P3H4: variants seen among roughly 807,000 people sequenced by gnomAD.
P3H4 encodes the protein prolyl 3-hydroxylase family member 4 (inactive).
In P3H4, 47 loss-of-function variants were observed where a neutral mutation model predicts 52.9. The observed-to-expected ratio is 0.89, with a 90% CI of 0.70 to 1.13. The LOEUF is 1.13. Among genes scored for constraint, P3H4 ranks in the 50% most tolerant of loss-of-function variants. P3H4 has a pLI of 0.00. For synonymous variants in P3H4, 256 were observed against 267.9 expected (o/e 0.96, Z 0.44); for missense variants, 585 against 611.0 (o/e 0.96, Z 0.45).
At position 41,811,577 on chromosome 17, in the gene P3H4, G is replaced by T. The variant is rs1228687073; in HGVS notation, c.339C>A (p.Ala113=). The T allele has an allele frequency of 1.0e-5, 16 of 1,601,184 alleles. No individual in the cohort carries two copies. Among genetic ancestry groups the T allele is most frequent in the African/African-American group, 1.3e-5 (1 of 74,724 alleles). The change falls in exon 1 of 8, where the codon GCC becomes GCA. Residue 113 remains alanine, a synonymous_variant. Coordinates refer to ENST00000393928, the MANE Select transcript of P3H4 (RefSeq NM_006455.3). The surrounding 1 kb of genome is among the most constrained non-coding windows in gnomAD (Gnocchi z 4.8). ...TCCGCTTGCAGCGCCGCAGGCAGGC[G>T]GCTCGCTCCAGGACGCGGCCGAAGA... The part of the protein sequence containing the change: ...LRLFGRVLER[A]ACLRRCKRTL...
At position 41,811,139 on chromosome 17, in the gene P3H4, G is replaced by A. The variant is rs2047728650; in HGVS notation, c.608C>T (p.Pro203Leu). 1 of 1,614,166 alleles carries A rather than the reference G, an allele frequency of 6.2e-7. No individual in the cohort carries two copies. Among genetic ancestry groups the A allele is most frequent in the Non-Finnish European group, 8.5e-7 (1 of 1,180,010 alleles). ...DESLTDLEAQPYEAVFLRAVK... is the reference protein window; with the variant it reads ...DESLTDLEAQLYEAVFLRAVK... ...CCTGACCCTCCACCCCACCTCGTAG[G>A]GCTGGGCCTCTAGGTCCGTGAGGGA... Residue 203 changes from proline (P) to leucine (L), a missense_variant, in exon 2 of 8, where the codon CCC becomes CTC. Coordinates refer to ENST00000393928, the MANE Select transcript of P3H4 (RefSeq NM_006455.3). This position sits in a 1 kb window ranked among gnomAD's most constrained non-coding sequence, Gnocchi z 4.8.
At chr17:41,810,650 C>T in intron 3 of P3H4, 1 of 574,272 alleles carries the variant, frequency 1.7e-6, no homozygotes, top group Non-Finnish European at 3.0e-6. Flanking sequence ...GCTTCCCAAA[C>T]CCTTTAGGGA....
intron 6 of P3H4, among the ~76,000 whole-genome samples, chr17:41,804,897 C>T (rs2047657208): frequency 6.6e-6 from 1 of 151,308 alleles, no homozygotes; most frequent in Non-Finnish European, 1.5e-5. Context: ...CTCTTCAACC[C>T]AAGAGGTGGA....
At chr17:41,804,165 A>C (rs1160967293) in intron 6 of P3H4, among the ~76,000 whole-genome samples, 4 of 151,594 alleles carry the variant, frequency 2.6e-5, no homozygotes, top group Non-Finnish European at 5.9e-5. Flanking sequence ...GTTAGCCAGG[A>C]TGGTCTCAAT....
chr17:41,809,724 G>C lies in P3H4; in HGVS notation c.898C>G (p.Gln300Glu). 1 of 1,613,442 alleles carries C rather than the reference G, an allele frequency of 6.2e-7. No homozygotes were observed. Among genetic ancestry groups the C allele is most frequent in the African/African-American group, 1.3e-5 (1 of 75,022 alleles). ...GGCTCACACTTATAGTAGGCAAACT[G>C]CAGGTAGTGGTACATGGTGGCCACG... The part of the protein sequence containing the change: ...KFVATMYHYL[Q>E]FAYYKLNDVR... The change falls in exon 4 of 8, where the codon CAG becomes GAG. Residue 300 changes from glutamine (Q) to glutamate (E), a missense_variant. By Grantham distance (29) the Gln-to-Glu change is conservative. Coordinates refer to ENST00000393928, the MANE Select transcript of P3H4 (RefSeq NM_006455.3).
Position 41,811,673 on chromosome 17 carries a change from G to T in P3H4, c.243C>A (p.Ser81Arg), listed in dbSNP as rs1555615219. 7.0e-7 allele frequency: 1 copy of T among 1,433,048 alleles called. No individual in the cohort carries two copies. Among genetic ancestry groups the T allele is most frequent in the Non-Finnish European group, 9.0e-7 (1 of 1,104,986 alleles). 88.8% of individuals were successfully genotyped at this position (1,433,048 alleles called of 1,614,324 possible). The change falls in exon 1 of 8, where the codon AGC becomes AGA. Residue 81 changes from serine (S) to arginine (R), a missense_variant. Ser to Arg is a moderately radical substitution (Grantham distance 110, BLOSUM62 -1). Coordinates refer to ENST00000393928, the MANE Select transcript of P3H4 (RefSeq NM_006455.3). The surrounding 1 kb of genome is among the most constrained non-coding windows in gnomAD (Gnocchi z 4.8). The part of the protein sequence containing the change: ...DSEAFCHANC[S>R]GPAPAAKPDP... ...CGGGCTTGGCCGCGGGCGCGGGGCC[G>T]CTGCAGTTGGCGTGGCAGAAGGCCT...
intron 3 of P3H4, 88 bp downstream of exon 3, chr17:41,810,775 G>T: frequency 6.8e-7 from 1 of 1,476,178 alleles, no homozygotes; most frequent in Non-Finnish European, 9.1e-7. Flanking sequence ...CTCCGCATTC[G>T]CAGTGCTCCA....
chr17:41,803,759 C>G (rs2047643191), intron 6 of P3H4, among the ~76,000 whole-genome samples: 1 of 152,202 alleles, frequency 6.6e-6, no homozygotes, highest in Non-Finnish European at 1.5e-5. Context: ...CTGCCAGGAA[C>G]TACTGCTGTC....
chr17:41,807,853 G>C lies in P3H4; in HGVS notation c.1062+6C>G. ...TCCAGCAAGTGCCCCAGAAAGCAGT[G>C]CCCACCTCCCGGGGCTGGAAGTCCT... On this transcript the variant is annotated splice_donor_region_variant and intron_variant, in intron 5 of 7. Coordinates refer to ENST00000393928, the MANE Select transcript of P3H4 (RefSeq NM_006455.3). 1 of 1,610,406 alleles carries C rather than the reference G, an allele frequency of 6.2e-7. No homozygotes were observed. The highest frequency in any genetic ancestry group is 8.5e-7 in the Non-Finnish European group (1 of 1,178,480).
intron 6 of P3H4, among the ~76,000 whole-genome samples, chr17:41,803,870 G>C (rs2047644356): frequency 6.6e-6 from 1 of 152,002 alleles, no homozygotes; most frequent in African/African-American, 2.4e-5. Context: ...ACCTCCCCTG[G>C]TGCCGTGTGC....
intron 4 of P3H4, among the ~76,000 whole-genome samples, chr17:41,809,095 G>A (rs928841910): frequency 6.6e-6 from 1 of 152,208 alleles, no homozygotes. Context: ...TGGTGTTGGT[G>A]AAAGGACCAC....
At chr17:41,806,368 T>A (rs1278097906) in intron 6 of P3H4, among the ~76,000 whole-genome samples, 1 of 152,164 alleles carries the variant, frequency 6.6e-6, no homozygotes, top group Non-Finnish European at 1.5e-5. Flanking sequence ...GAACAGGGAA[T>A]AATGTGGCCC....
rs2047634621 is a variant in P3H4, at chr17:41,803,041, G to A, written c.1292-62C>T. On this transcript the variant is annotated intron_variant, in intron 7 of 7. Transcript: ENST00000393928. ...CCACCCACTCCCAATGGGTGTCCAG[G>A]TGCTGTCCTGATGGGAGGTGGGGTG... 1.9e-6 allele frequency: 3 copies of A among 1,583,034 alleles called. No individual in the cohort carries two copies. In the South Asian group the frequency reaches 3.4e-5, roughly 18 times the overall value.
chr17:41,810,463 C>T (rs1285561244), intron 3 of P3H4, among the ~76,000 whole-genome samples: 2 of 152,120 alleles, frequency 1.3e-5, no homozygotes, highest in Non-Finnish European at 2.9e-5. Context: ...TGAGCCACCA[C>T]ACCTGGCCAA....
intron 4 of P3H4, 67 bp downstream of exon 4, chr17:41,809,639 G>A: frequency 6.5e-7 from 1 of 1,530,950 alleles, no homozygotes; most frequent in Non-Finnish European, 8.9e-7. Flanking sequence ...ACTCTGGGAG[G>A]CTCCCATACA....
In P3H4 at chr17:41,811,442, G is replaced by T; in HGVS notation, c.462+12C>A. 1.2e-6 allele frequency: 2 copies of T among 1,611,786 alleles called. No homozygotes were observed. Among genetic ancestry groups the T allele is most frequent in the Non-Finnish European group, 8.5e-7 (1 of 1,179,422 alleles). On this transcript the variant is annotated intron_variant, in intron 1 of 7. Coordinates refer to ENST00000393928, the MANE Select transcript of P3H4 (RefSeq NM_006455.3). The surrounding 1 kb of genome is among the most constrained non-coding windows in gnomAD (Gnocchi z 4.8). ...GCCCGAGACAGGTCCCCGGGTGGGG[G>T]CGGGCTCCCACCTTGAACAGCGCGT... is the stretch of plus-strand genomic sequence containing the variant.
rs567452768 is a variant in P3H4 at position 41,802,508 on chromosome 17, G to A, written c.*449C>T. On this transcript the variant is annotated 3_prime_UTR_variant, in exon 8 of 8. Coordinates refer to ENST00000393928, the MANE Select transcript of P3H4 (RefSeq NM_006455.3). ...CTTGAACTCCTGACCTCAAGTGATC[G>A]GCCTCTCAGTGCTGGGATTACAGGC... is the stretch of plus-strand genomic sequence containing the variant. 1.6e-4 allele frequency: 27 copies of A among 166,852 alleles called. No individual in the cohort carries two copies. The highest frequency in any genetic ancestry group is 2.7e-4 in the Non-Finnish European group (22 of 80,888). 10.3% of individuals were successfully genotyped at this position (166,852 alleles called of 1,614,324 possible). A position where few individuals can be genotyped will look rare whatever the true frequency, so the allele number is the denominator to read the frequency against.
chr17:41,807,567 C>G (rs562801123), intron 5 of P3H4: 118 of 200,518 alleles, frequency 5.9e-4, no homozygotes, highest in African/African-American at 2.6e-3. Flanking sequence ...GCGCGATCTC[C>G]GCTCACTGCA....
At position 41,810,861 on chromosome 17, in the gene P3H4, A is replaced by G; in HGVS notation, c.787+2T>C. ...GCCCACCGTGGTCTGGGTGGCAGAT[A>G]CCTGCTATGGCCGGGTAGAAGTCCT... On this transcript the variant is annotated splice_donor_variant, in intron 3 of 7. Transcript: ENST00000393928. LOFTEE classifies it high-confidence loss of function. 6.2e-7 allele frequency: 1 copy of G among 1,610,966 alleles called. No homozygotes were observed. The highest frequency in any genetic ancestry group is 1.1e-5 in the South Asian group (1 of 90,900).
Sources: gnomAD v4.1 joint callset for allele counts (sites outside exome capture counted in the v4.1 genomes callset) on GRCh38, gnomAD v4.1.1 for gene constraint, Gnocchi (gnomAD v3.1) non-coding constraint, MANE v1.5 for transcripts, NCBI Gene and HGNC (gene_info 2026-07-23, HGNC 2026-07-21) for gene names.